The following DDX17 variants were observed in gnomAD, a reference collection of about 807,000 sequenced individuals.
DDX17 encodes DEAD-box helicase 17.
A neutral mutation model predicts 80.8 loss-of-function variants in DDX17; 10 were observed. The ratio of observed to expected loss-of-function variants is 0.12; its 90% CI spans 0.08 to 0.21. The LOEUF (loss-of-function observed/expected upper bound fraction) is 0.21, where lower values mean the gene tolerates loss of function less well. DDX17 is among the 10% of genes least tolerant of loss of function. DDX17 has a pLI of 1.00. For synonymous variants in DDX17, 339 were observed against 336.2 expected (o/e 1.01, Z -0.09); for missense variants, 586 against 957.4 (o/e 0.61, Z 5.12).
rs996492151 is a variant in DDX17 at position 38,498,382 on chromosome 22, A to G, written c.672+58T>C. On this transcript the variant is annotated intron_variant, in intron 4 of 12. Transcript: ENST00000403230. Reference sequence around the variant, plus strand: ...TACGAAGAACTGAGAACGTATGACAACTAGAATAGCAAAATAAGTTACCAC... The same window carrying G: ...TACGAAGAACTGAGAACGTATGACAGCTAGAATAGCAAAATAAGTTACCAC... 12 of 1,606,856 alleles carry G rather than the reference A, an allele frequency of 7.5e-6. No homozygotes were observed. In the Admixed American group the frequency reaches 8.4e-5, roughly 11 times the overall value.
chr22:38,485,212 T>G lies in DDX17; in HGVS notation c.*723A>C, dbSNP rs2089642726. On this transcript the variant is annotated 3_prime_UTR_variant, in exon 13 of 13. Coordinates refer to ENST00000403230, the MANE Select transcript of DDX17 (RefSeq NM_006386.5). The stretch of plus-strand genomic sequence containing the variant: ...CAGTTTAACCACTACAATAAACACT[T>G]GTGGTTTTTAATTTAAAGGATACAC... The G allele has an allele frequency of 6.6e-6, 1 of 152,128 alleles. No individual in the cohort carries two copies. The allele number at this position is 152,128 out of a possible 1,614,324, so 9.4% of individuals were successfully genotyped here.
At chr22:38,499,106 A>G (rs1056271654) in intron 3 of DDX17, among the ~76,000 whole-genome samples, 7 of 152,244 alleles carry the variant, frequency 4.6e-5, no homozygotes, top group Non-Finnish European at 8.8e-5. Flanking sequence ...ACATGGGAAC[A>G]TGGTAGTCAT....
chr22:38,490,298 C>T lies in DDX17; in HGVS notation c.1447+1758G>A, dbSNP rs531419181. The T allele has an allele frequency of 4.1e-5, 53 of 1,283,874 alleles. No homozygotes were observed. The South Asian group carries it at 6.1e-4, about 15-fold the overall frequency. The allele number at this position is 1,283,874 out of a possible 1,614,324, so 79.5% of individuals were successfully genotyped here. On this transcript the variant is annotated intron_variant, in intron 11 of 12. Coordinates refer to ENST00000403230, the MANE Select transcript of DDX17 (RefSeq NM_006386.5). ...GGATAAGAACCTTTTGTCTGAAAGG[C>T]CCTATGACATGGCCTGAATCGCCAA... is the stretch of plus-strand genomic sequence containing the variant.
In DDX17 at chr22:38,484,654, CTA is replaced by C. The variant is rs1351269116; in HGVS notation, c.*1279_*1280del. On this transcript the variant is annotated 3_prime_UTR_variant, in exon 13 of 13. Coordinates refer to ENST00000403230, the MANE Select transcript of DDX17 (RefSeq NM_006386.5). Reference sequence around the variant, plus strand: ...AGAAAATTCTTTCTGGGTCCATCTGCTATAAAGTCTTGGTAAAACAGCATTAC... The same window carrying C: ...AGAAAATTCTTTCTGGGTCCATCTGCTAAAGTCTTGGTAAAACAGCATTAC... 6.6e-6 allele frequency: 1 copy of C among 152,190 alleles called. No individual in the cohort carries two copies. The highest frequency in any genetic ancestry group is 6.5e-5 in the Admixed American group (1 of 15,284). 9.4% of individuals were successfully genotyped at this position (152,190 alleles called of 1,614,324 possible). A position where few individuals can be genotyped will look rare whatever the true frequency, so the allele number is the denominator to read the frequency against.
chr22:38,498,663 A>C (rs1464843144), intron 3 of DDX17, 90 bp from the exon 4 acceptor site: 1 of 1,369,674 alleles, frequency 7.3e-7, no homozygotes, highest in Non-Finnish European at 1.0e-6. Flanking sequence ...ACTGAAGATA[A>C]GATTTACCCA....
rs746490160 is a variant in DDX17, at chr22:38,505,959, G to A, written c.279C>T (p.Asp93=). 9 of 1,579,994 alleles carry A rather than the reference G, an allele frequency of 5.7e-6. No homozygotes were observed. Among genetic ancestry groups the A allele is most frequent in the Admixed American group, 1.8e-5 (1 of 54,526 alleles). Residue 93 remains aspartate (D), a synonymous_variant, in exon 1 of 13, where the codon GAC becomes GAT. Transcript: ENST00000403230. ...TCCTCCCCCACCCTTACCCTCCACGGTCACGATCCCGGTCCCGGTCCCCAA... is the reference window on the plus strand; with the variant it reads ...TCCTCCCCCACCCTTACCCTCCACGATCACGATCCCGGTCCCGGTCCCCAA...
intron 10 of DDX17, 126 bp downstream of exon 10, chr22:38,493,584 C>A: frequency 1.4e-6 from 1 of 739,368 alleles, no homozygotes; most frequent in East Asian, 2.7e-5. Context: ...ATTTGGTTTA[C>A]AAAGCCAAGC....
rs1013872287 is a variant in DDX17 at position 38,483,979 on chromosome 22, C to T, written c.*1956G>A. 2.6e-5 allele frequency: 4 copies of T among 152,354 alleles called. No individual in the cohort carries two copies. Among genetic ancestry groups the T allele is most frequent in the African/African-American group, 9.7e-5 (4 of 41,382 alleles). 9.4% of individuals were successfully genotyped at this position (152,354 alleles called of 1,614,324 possible). The stretch of plus-strand genomic sequence containing the variant: ...AAGGGAAGCAAGCAATCCAAATAAC[C>T]ACTTGCTTGCCCAGAGACCTTTCCC... On this transcript the variant is annotated 3_prime_UTR_variant, in exon 13 of 13. Coordinates refer to ENST00000403230, the MANE Select transcript of DDX17 (RefSeq NM_006386.5).
chr22:38,485,826 A>AG lies in DDX17; in HGVS notation c.*108_*109insC, dbSNP rs1384695991. 1.7e-5 allele frequency: 24 copies of AG among 1,397,564 alleles called. No individual in the cohort carries two copies. The highest frequency in any genetic ancestry group is 1.5e-5 in the African/African-American group (1 of 68,450). 86.6% of individuals were successfully genotyped at this position (1,397,564 alleles called of 1,614,324 possible). A position where few individuals can be genotyped will look rare whatever the true frequency, so the allele number is the denominator to read the frequency against. ...GGTTGGGGGGAAAAATTAAAAAAAA[A>AG]AAAAGAAAAAAGGAAAAAAAAAGAA... On this transcript the variant is annotated 3_prime_UTR_variant, in exon 13 of 13. Coordinates refer to ENST00000403230, the MANE Select transcript of DDX17 (RefSeq NM_006386.5).
chr22:38,491,860 G>A (rs2089716779), intron 11 of DDX17, 196 bp downstream of exon 11: 1 of 449,462 alleles, frequency 2.2e-6, no homozygotes, highest in Non-Finnish European at 3.8e-6. Flanking sequence ...AAAGGGGGGT[G>A]GGGGAAACCA....
At position 38,501,196 on chromosome 22, in the gene DDX17, C is replaced by G. The variant is rs2089827332; in HGVS notation, c.372G>C (p.Leu124Phe). 1.2e-6 allele frequency: 2 copies of G among 1,613,766 alleles called. No individual in the cohort carries two copies. Among genetic ancestry groups the G allele is most frequent in the African/African-American group, 1.3e-5 (1 of 74,886 alleles). Residue 124 changes from leucine to phenylalanine, a missense_variant, in exon 2 of 13, where the codon TTG becomes TTC. By Grantham distance (22) the Leu-to-Phe change is conservative (BLOSUM62 0). Transcript: ENST00000403230. ...TTTTCTCAAACTTGGGGAGCTCACT[C>G]AAATCCCACTTTTTTTTACGCAAAC...
chr22:38,491,685 T>C (rs115723651), intron 11 of DDX17: 183 of 190,980 alleles, frequency 9.6e-4, no homozygotes, highest in African/African-American at 4.0e-3. Flanking sequence ...TAGCTTACAA[T>C]AGCTAGGTTT....
At chr22:38,505,696 C>G in intron 1 of DDX17, 1 of 470,806 alleles carries the variant, frequency 2.1e-6, no homozygotes, top group Non-Finnish European at 3.7e-6. Context: ...CCCCGCGGGG[C>G]TGGGATGGGG....
At chr22:38,486,865 T>C (rs2039666338) in intron 12 of DDX17, among the ~76,000 whole-genome samples, 1 of 152,038 alleles carries the variant, frequency 6.6e-6, no homozygotes, top group African/African-American at 2.4e-5. Flanking sequence ...TAAGCATTTT[T>C]GAAAGTATTA....
intron 1 of DDX17, among the ~76,000 whole-genome samples, chr22:38,504,502 T>C (rs758001717): frequency 1.3e-5 from 2 of 152,214 alleles, no homozygotes; most frequent in Non-Finnish European, 2.9e-5. Flanking sequence ...AATCTCAAGT[T>C]CTTTTTCTAA....
At position 38,493,854 on chromosome 22, in the gene DDX17, ATT is replaced by A. The variant is rs1050884641; in HGVS notation, c.1326-85_1326-84del. On this transcript the variant is annotated intron_variant, in intron 9 of 12. Coordinates refer to ENST00000403230, the MANE Select transcript of DDX17 (RefSeq NM_006386.5). ...CTTTAAAGCCAAATGCTATCATGCA[ATT>A]TTTGTAAGGTTTGTCAGGCTTCATG... The A allele has an allele frequency of 4.9e-6, 7 of 1,436,530 alleles. No homozygotes were observed. In the African/African-American group the frequency reaches 9.9e-5, roughly 20 times the overall value. 89.0% of individuals were successfully genotyped at this position (1,436,530 alleles called of 1,614,324 possible). A position where few individuals can be genotyped will look rare whatever the true frequency, so the allele number is the denominator to read the frequency against.
chr22:38,488,191 G>A lies in DDX17; in HGVS notation c.1448-76C>T. 5 of 1,608,394 alleles carry A rather than the reference G, an allele frequency of 3.1e-6. No homozygotes were observed. In the Admixed American group the frequency reaches 6.7e-5, roughly 21 times the overall value. On this transcript the variant is annotated intron_variant, in intron 11 of 12. Transcript: ENST00000403230. ...GAAGGTAAAGGACATGCCAACAACA[G>A]GTGGGAAGCACGAATGCAGATGACA...
chr22:38,494,215 A>G (rs1010320400), intron 8 of DDX17, 84 bp from the exon 9 acceptor site: 14 of 938,532 alleles, frequency 1.5e-5, no homozygotes, highest in Middle Eastern at 2.2e-4. Context: ...TCCCAAGGCT[A>G]CAGTACTTTC....
At chr22:38,500,974 G>GAAAAA (rs71702696) in intron 2 of DDX17, among the ~76,000 whole-genome samples, 156 bp downstream of exon 2, 5 of 140,246 alleles carry the variant, frequency 3.6e-5, no homozygotes, top group Non-Finnish European at 7.6e-5. Context: ...CTACAAAAAG[G>GAAAAA]AAAAAAAAAA....
Sources: allele counts gnomAD v4.1 joint callset (sites outside exome capture counted in the v4.1 genomes callset), GRCh38; gene constraint gnomAD v4.1.1; transcripts MANE v1.5; gene names NCBI Gene and HGNC (gene_info 2026-07-23, HGNC 2026-07-21).